The following ERBB4 variants were observed in gnomAD, a reference collection of about 807,000 sequenced individuals.
The protein encoded by ERBB4 is erb-b2 receptor tyrosine kinase 4.
ERBB4 carries 42 observed loss-of-function variants against 158.0 expected under a neutral mutation model. The observed-to-expected ratio is 0.27, with a 90% CI of 0.21 to 0.34. ERBB4 has a LOEUF of 0.34. Ranked by LOEUF, ERBB4 falls within the 10% of genes least tolerant of loss-of-function variation. ERBB4 has a pLI of 1.00. For synonymous variants in ERBB4, 583 were observed against 558.7 expected, an observed-to-expected ratio of 1.04 and a Z score of -0.61; for missense variants, 1,333 against 1,624.1, an observed-to-expected ratio of 0.82 and a Z score of 3.08.
At chr2:211,508,101 A>C (rs940932896) in intron 20 of ERBB4, among the ~76,000 whole-genome samples, 1 of 152,128 alleles carries the variant, frequency 6.6e-6, no homozygotes, top group Admixed American at 6.5e-5. Flanking sequence ...AAAACACAAA[A>C]AGCAATTGCA....
At chr2:211,658,781 C>T (rs1444243755) in intron 15 of ERBB4, among the ~76,000 whole-genome samples, 1 of 152,072 alleles carries the variant, frequency 6.6e-6, no homozygotes, top group African/African-American at 2.4e-5. Context: ...TACAGTGAGA[C>T]TAACATTTAA....
At chr2:212,091,859 T>G (rs2078788621) in intron 2 of ERBB4, among the ~76,000 whole-genome samples, 1 of 152,214 alleles carries the variant, frequency 6.6e-6, no homozygotes, top group Non-Finnish European at 1.5e-5. Context: ...TCTTTAAAGT[T>G]TATAAGGCAA....
intron 16 of ERBB4, among the ~76,000 whole-genome samples, chr2:211,640,084 G>A (rs946096508): frequency 5.3e-5 from 8 of 151,866 alleles, no homozygotes; most frequent in Non-Finnish European, 8.8e-5. Flanking sequence ...AGTCAATTCT[G>A]TATATAAAGC....
At chr2:211,486,495 G>A (rs1178647591) in intron 20 of ERBB4, among the ~76,000 whole-genome samples, 1 of 151,624 alleles carries the variant, frequency 6.6e-6, no homozygotes, top group Non-Finnish European at 1.5e-5. Flanking sequence ...AATGACAGCT[G>A]TAAAATATCT....
At chr2:212,392,118 A>T (rs979454729) in intron 1 of ERBB4, among the ~76,000 whole-genome samples, 1 of 151,734 alleles carries the variant, frequency 6.6e-6, no homozygotes, top group African/African-American at 2.4e-5. Flanking sequence ...GAGGGTCTGT[A>T]AAACATACAT....
At chr2:212,330,977 A>G (rs1402082092) in intron 1 of ERBB4, among the ~76,000 whole-genome samples, 1 of 149,104 alleles carries the variant, frequency 6.7e-6, no homozygotes, top group African/African-American at 2.4e-5. Context: ...ATTTGCAACC[A>G]GAAGGATCTG....
intron 1 of ERBB4, among the ~76,000 whole-genome samples, chr2:212,177,143 G>A (rs2081692631): frequency 6.6e-6 from 1 of 151,708 alleles, no homozygotes; most frequent in African/African-American, 2.4e-5. Flanking sequence ...TGTATTGTCA[G>A]TCTATTTACA....
intron 3 of ERBB4, among the ~76,000 whole-genome samples, chr2:211,818,676 A>T (rs1402103589): frequency 2.0e-5 from 3 of 152,124 alleles, no homozygotes; most frequent in Non-Finnish European, 4.4e-5. Flanking sequence ...CTCTTGGAAT[A>T]AATACACTAA....
intron 2 of ERBB4, among the ~76,000 whole-genome samples, chr2:212,065,025 GT>G (rs1559426285): frequency 1.2e-3 from 180 of 144,034 alleles, no homozygotes; most frequent in African/African-American, 4.1e-3. Context: ...GTGTGTGTGT[GT>G]GTTGTGTGTG....
chr2:212,280,764 A>C (rs1304547834), intron 1 of ERBB4, among the ~76,000 whole-genome samples: 1 of 151,682 alleles, frequency 6.6e-6, no homozygotes, highest in Non-Finnish European at 1.5e-5. Context: ...ATGAAGTAAA[A>C]GCATCATGAA....
intron 1 of ERBB4, among the ~76,000 whole-genome samples, chr2:212,141,254 G>A (rs981315421): frequency 6.6e-6 from 1 of 151,790 alleles, no homozygotes; most frequent in Non-Finnish European, 1.5e-5. Flanking sequence ...CAGATGCTAT[G>A]GGTGATAGTC....
rs781737887 is a variant in ERBB4 at position 211,562,067 on chromosome 2, T to C, written c.2323A>G (p.Met775Val). The C allele has an allele frequency of 4.3e-6, 7 of 1,613,792 alleles. No individual in the cohort carries two copies. The highest frequency in any genetic ancestry group is 1.7e-5 in the Admixed American group (1 of 60,018). Residue 775 changes from methionine (M) to valine (V), a missense_variant, in exon 20 of 28, where the codon ATG (methionine) becomes GTG (valine). By Grantham distance (21) the Met-to-Val change is conservative (BLOSUM62 1). This residue lies in a region of ERBB4 where 314 missense variants were observed against 437.6 expected (regional missense o/e 0.72). Transcript: ENST00000342788. ...AACCGGACTAGGTGTGGATGATCCA[T>C]ACTTGCCATGATCAGAGCTTCCTGT... ...FMDEALIMAS[M>V]DHPHLVRLLG... is the part of the protein sequence containing the mutation.
chr2:211,658,022 A>T (rs1364982392), intron 15 of ERBB4, 194 bp from the exon 16 acceptor site: 1 of 1,558,406 alleles, frequency 6.4e-7, no homozygotes, highest in Non-Finnish European at 8.7e-7. Flanking sequence ...TTAAAAAAAT[A>T]CAAGGGGAAA....
chr2:212,089,760 A>AC (rs2078719672), intron 2 of ERBB4, among the ~76,000 whole-genome samples: 1 of 152,044 alleles, frequency 6.6e-6, no homozygotes, highest in Admixed American at 6.6e-5. Flanking sequence ...TTTGTAAATC[A>AC]CCCAGTCTCA....
intron 2 of ERBB4, among the ~76,000 whole-genome samples, chr2:212,085,674 CT>C (rs1214294309): frequency 6.6e-6 from 1 of 151,680 alleles, no homozygotes; most frequent in Admixed American, 6.6e-5. Context: ...AGTTGAGACT[CT>C]TTTTTAGGAA....
intron 2 of ERBB4, among the ~76,000 whole-genome samples, chr2:212,032,538 T>C (rs567454694): frequency 1.3e-5 from 2 of 152,202 alleles, no homozygotes; most frequent in Admixed American, 1.3e-4. Flanking sequence ...CTTCACCACT[T>C]TTGATAAGTA....
chr2:212,150,402 T>G (rs1575708154), intron 1 of ERBB4, among the ~76,000 whole-genome samples: 2 of 152,214 alleles, frequency 1.3e-5, no homozygotes, highest in East Asian at 1.9e-4. Context: ...CAGAATAATT[T>G]CATTTTCCCT....
At chr2:212,353,154 C>T (rs372725640) in intron 1 of ERBB4, among the ~76,000 whole-genome samples, 1 of 151,788 alleles carries the variant, frequency 6.6e-6, no homozygotes, top group Non-Finnish European at 1.5e-5. Flanking sequence ...TTTTGTTAGG[C>T]TTTGAATTCT....
intron 16 of ERBB4, among the ~76,000 whole-genome samples, chr2:211,638,858 A>G (rs190773432): frequency 5.3e-5 from 8 of 152,230 alleles, no homozygotes; most frequent in Admixed American, 2.6e-4. Context: ...TACAGGCAAC[A>G]TTTACACATA....
Sources: gnomAD v4.1 joint callset for allele counts (sites outside exome capture counted in the v4.1 genomes callset) on GRCh38, gnomAD v4.1.1 for gene constraint, gnomAD v4.1.1 regional missense constraint, MANE v1.5 for transcripts, NCBI Gene and HGNC (gene_info 2026-07-23, HGNC 2026-07-21) for gene names.